Variants in TAF12 observed in about 807,000 individuals in gnomAD.
The protein encoded by TAF12 is TATA-box binding protein associated factor 12.
A neutral mutation model predicts 20.8 loss-of-function variants in TAF12; 3 were observed. The ratio of observed to expected loss-of-function variants is 0.14; its 90% CI spans 0.07 to 0.37. The LOEUF (loss-of-function observed/expected upper bound fraction) is 0.37. TAF12 is among the 10% of genes least tolerant of loss of function. The pLI, the probability that TAF12 is intolerant of heterozygous loss-of-function variation, is 1.00. For missense variants in TAF12, 131 were observed against 197.9 expected (o/e 0.66, Z 2.03); for synonymous variants, 69 against 70.2 (o/e 0.98, Z 0.09).
At chr1:28,605,088 G>A (rs1213413084) in intron 5 of TAF12, among the ~76,000 whole-genome samples, 1 of 152,156 alleles carries the variant, frequency 6.6e-6, no homozygotes, top group Admixed American at 6.5e-5. Context: ...GGGGCGAGCT[G>A]CATCCATATT....
intron 1 of TAF12, among the ~76,000 whole-genome samples, chr1:28,635,174 G>C (rs1667775355): frequency 6.7e-6 from 1 of 148,820 alleles, no homozygotes; most frequent in Admixed American, 6.7e-5. Context: ...AGCTTGCAGT[G>C]AGCCGAGATC....
Position 28,627,530 on chromosome 1 carries a change from A to G in TAF12, c.-84-5365T>C, listed in dbSNP as rs1170888389. Among the ~76,000 whole-genome samples the G allele has an allele frequency of 7.2e-5, 11 of 151,834 alleles. No individual in the cohort carries two copies. The East Asian group carries it at 2.1e-3, about 29-fold the overall frequency. ...AACACGGTGAAACCCTGTCTCTACTAAAAATACAAAAAATTAGCTGGGCGT... is the reference window on the plus strand; with the variant it reads ...AACACGGTGAAACCCTGTCTCTACTGAAAATACAAAAAATTAGCTGGGCGT... On this transcript the variant is annotated intron_variant, in intron 1 of 5. Coordinates refer to ENST00000373824, the MANE Select transcript of TAF12 (RefSeq NM_005644.4).
At chr1:28,622,884 G>A (rs1021159897) in intron 1 of TAF12, among the ~76,000 whole-genome samples, 4 of 151,968 alleles carry the variant, frequency 2.6e-5, no homozygotes, top group Admixed American at 6.6e-5. Flanking sequence ...TTGGCTAGGC[G>A]TAGTGGCACA....
rs146267043 is a variant in TAF12 at position 28,633,975 on chromosome 1, C to T, written c.-85+9017G>A. ...GCGCGTGCCTGTAATCCCAGCTATT[C>T]GGGAGGCTGAGGCAGGAGAATCACT... On this transcript the variant is annotated intron_variant, in intron 1 of 5. Transcript: ENST00000373824. Among the ~76,000 whole-genome samples the T allele has an allele frequency of 4.2e-3, 612 of 144,212 alleles. 1 individual carries two copies. The highest frequency in any genetic ancestry group is 6.3e-3 in the Admixed American group (90 of 14,362). 94.6% of individuals were successfully genotyped at this position (144,212 alleles called of 152,430 possible).
chr1:28,626,558 G>A (rs189847489), intron 1 of TAF12, among the ~76,000 whole-genome samples: 88 of 140,612 alleles, frequency 6.3e-4, no homozygotes, highest in African/African-American at 1.3e-3. Flanking sequence ...TCCAGCCCGC[G>A]CAACAAGAGT....
At chr1:28,643,685 A>T (rs1668115051), upstream of TAF12, among the ~76,000 whole-genome samples, 1 of 151,934 alleles carries the variant, frequency 6.6e-6, no homozygotes, top group Non-Finnish European at 1.5e-5. Flanking sequence ...CTCAGCTTGA[A>T]CTCAGAACTC....
At chr1:28,630,827 C>T (rs970449940) in intron 1 of TAF12, among the ~76,000 whole-genome samples, 26 of 151,744 alleles carry the variant, frequency 1.7e-4, no homozygotes, top group Non-Finnish European at 2.9e-5. Flanking sequence ...GGGCAGATCA[C>T]AAGGTCAGGA....
At chr1:28,603,684 C>A (rs1666575615) in intron 5 of TAF12, 110 bp from the exon 6 acceptor site, 2 of 1,048,068 alleles carry the variant, frequency 1.9e-6, no homozygotes, top group Non-Finnish European at 1.5e-6. Context: ...AGGCCGCAGC[C>A]CTCAGAGACC....
At chr1:28,609,737 T>C (rs1666789828) in intron 4 of TAF12, among the ~76,000 whole-genome samples, 2 of 151,954 alleles carry the variant, frequency 1.3e-5, no homozygotes, top group South Asian at 4.1e-4. Context: ...CCCGCCCACC[T>C]TGGCCTCCCA....
intron 3 of TAF12, among the ~76,000 whole-genome samples, chr1:28,615,386 TAAAA>T (rs1425365519): frequency 6.6e-6 from 1 of 151,130 alleles, no homozygotes. Flanking sequence ...TAAAATAAGT[TAAAA>T]AAATATTGCC....
chr1:28,622,791 C>T (rs577713413), intron 1 of TAF12, among the ~76,000 whole-genome samples: 105 of 151,544 alleles, frequency 6.9e-4, no homozygotes, highest in Non-Finnish European at 1.4e-3. Context: ...GAGGCCAAGG[C>T]GGGTAGATCA....
upstream of TAF12, among the ~76,000 whole-genome samples, chr1:28,647,360 TCA>T (rs1668221484): frequency 6.6e-6 from 1 of 152,142 alleles, no homozygotes; most frequent in African/African-American, 2.4e-5. Context: ...TGATTATGGC[TCA>T]CTGTAGCCTT....
chr1:28,639,259 T>C (rs1436638857), intron 1 of TAF12, among the ~76,000 whole-genome samples: 1 of 150,898 alleles, frequency 6.6e-6, no homozygotes, highest in Non-Finnish European at 1.5e-5. Context: ...CTACTAAAAA[T>C]ACAAAAATTA....
chr1:28,636,780 G>A (rs1022850069), intron 1 of TAF12, among the ~76,000 whole-genome samples: 1 of 151,738 alleles, frequency 6.6e-6, no homozygotes, highest in Non-Finnish European at 1.5e-5. Flanking sequence ...CAACGTGGGT[G>A]ACAAAGCAAG....
upstream of TAF12, among the ~76,000 whole-genome samples, chr1:28,647,502 G>A (rs1448060316): frequency 2.0e-5 from 3 of 151,934 alleles, no homozygotes; most frequent in African/African-American, 7.3e-5. Flanking sequence ...TGCCCATTGT[G>A]GTCTCAAACT....
intron 1 of TAF12, among the ~76,000 whole-genome samples, chr1:28,636,006 GT>G (rs1336597268): frequency 6.6e-6 from 1 of 152,002 alleles, no homozygotes; most frequent in Admixed American, 6.6e-5. Flanking sequence ...TTAATGACTG[GT>G]TTTTCTACCT....
At chr1:28,633,158 G>A (rs1293384972) in intron 1 of TAF12, among the ~76,000 whole-genome samples, 2 of 140,110 alleles carry the variant, frequency 1.4e-5, no homozygotes, top group African/African-American at 5.3e-5. Context: ...CTCCAAGCCC[G>A]GCCTACTTTT....
chr1:28,645,380 T>C (rs1393592197), upstream of TAF12, among the ~76,000 whole-genome samples: 1 of 147,366 alleles, frequency 6.8e-6, no homozygotes, highest in East Asian at 2.2e-4. Context: ...CTGGACACCC[T>C]GGCTCACGCC....
At chr1:28,604,363 C>G (rs1054890500) in intron 5 of TAF12, among the ~76,000 whole-genome samples, 1 of 152,198 alleles carries the variant, frequency 6.6e-6, no homozygotes, top group Non-Finnish European at 1.5e-5. Flanking sequence ...CTAACAACTT[C>G]TACCACAGTC....
Sources: gnomAD v4.1 joint callset for allele counts (sites outside exome capture counted in the v4.1 genomes callset) on GRCh38, gnomAD v4.1.1 for gene constraint, MANE v1.5 for transcripts, NCBI Gene and HGNC (gene_info 2026-07-23, HGNC 2026-07-21) for gene names.